ERC2: variants seen among roughly 807,000 people sequenced by gnomAD.
The protein encoded by ERC2 is ELKS/RAB6-interacting/CAST family member 2, also known as ERC protein 2.
A neutral mutation model predicts 114.8 loss-of-function variants in ERC2; 42 were observed. That is an observed-to-expected ratio of 0.37 (90% confidence interval 0.29 to 0.47). ERC2 has a LOEUF of 0.47. Among genes scored for constraint, ERC2 ranks in the 20% least tolerant of loss-of-function variants. The pLI is 0.99. For missense variants in ERC2, 939 were observed against 1,150.7 expected (o/e 0.82, Z 2.66); for synonymous variants, 454 against 425.5 (o/e 1.07, Z -0.82).
chr3:56,402,680 A>C (rs1337524018), intron 2 of ERC2, among the ~76,000 whole-genome samples: 1 of 152,200 alleles, frequency 6.6e-6, no homozygotes, highest in Non-Finnish European at 1.5e-5. Context: ...AGCTAAATAT[A>C]ATCTCATTGT....
chr3:56,062,584 G>A (rs1009533367), intron 7 of ERC2, among the ~76,000 whole-genome samples: 4 of 152,062 alleles, frequency 2.6e-5, no homozygotes, highest in African/African-American at 4.8e-5. Context: ...AACAAGAAGC[G>A]CTCATTTCTT....
intron 2 of ERC2, among the ~76,000 whole-genome samples, chr3:56,347,069 G>A (rs1351635343): frequency 2.6e-5 from 4 of 152,136 alleles, no homozygotes; most frequent in Non-Finnish European, 5.9e-5. Context: ...AACTTGCAGT[G>A]TATTACAAAG....
intron 2 of ERC2, among the ~76,000 whole-genome samples, chr3:56,421,176 A>G (rs2061375847): frequency 6.6e-6 from 1 of 152,254 alleles, no homozygotes; most frequent in Non-Finnish European, 1.5e-5. Flanking sequence ...TATAGACAGA[A>G]GTTAACTAGT....
At position 55,509,425 on chromosome 3, in the gene ERC2, T is replaced by C. The variant is rs756839814; in HGVS notation, c.*1891A>G. On this transcript the variant is annotated 3_prime_UTR_variant, in exon 18 of 18. Coordinates refer to ENST00000288221, the MANE Select transcript of ERC2 (RefSeq NM_015576.3). ...TTTTCAGTGCAACATTGTGTCAAAA[T>C]GTGCTAAATAAGCTTGCAAAGAACT... 8 of 152,634 alleles carry C rather than the reference T, an allele frequency of 5.2e-5. No homozygotes were observed. The highest frequency in any genetic ancestry group is 1.0e-4 in the Non-Finnish European group (7 of 68,044). The allele number at this position is 152,634 out of a possible 1,614,324, so 9.5% of individuals were successfully genotyped here.
intron 14 of ERC2, among the ~76,000 whole-genome samples, chr3:55,821,262 C>A (rs1551590): frequency 6.6e-6 from 1 of 152,080 alleles, no homozygotes; most frequent in Non-Finnish European, 1.5e-5. Flanking sequence ...AAAAGTTATT[C>A]CCCATGTTAA....
At chr3:55,587,739 G>C (rs1046107379) in intron 17 of ERC2, among the ~76,000 whole-genome samples, 11 of 152,188 alleles carry the variant, frequency 7.2e-5, no homozygotes, top group Non-Finnish European at 1.5e-5. Flanking sequence ...TGCCTGCTGA[G>C]CTGGTGATAA....
intron 17 of ERC2, among the ~76,000 whole-genome samples, chr3:55,655,441 CAG>C (rs1189126588): frequency 6.6e-6 from 1 of 152,192 alleles, no homozygotes; most frequent in Admixed American, 6.5e-5. Context: ...GTTGGGCCTG[CAG>C]AGTGTTTAAA....
At chr3:55,666,230 G>T (rs1029983065) in intron 17 of ERC2, among the ~76,000 whole-genome samples, 23 of 152,150 alleles carry the variant, frequency 1.5e-4, no homozygotes, top group Admixed American at 7.2e-4. Context: ...CAATCACTGC[G>T]CAGGAGACCA....
chr3:55,862,174 ATG>A (rs544865371), intron 14 of ERC2, among the ~76,000 whole-genome samples: 3 of 152,016 alleles, frequency 2.0e-5, no homozygotes, highest in Non-Finnish European at 2.9e-5. Flanking sequence ...TATTTTATGT[ATG>A]TGTGTGTGTG....
chr3:55,839,178 C>A (rs1238966678), intron 14 of ERC2, among the ~76,000 whole-genome samples: 2 of 151,702 alleles, frequency 1.3e-5, no homozygotes, highest in Non-Finnish European at 2.9e-5. Context: ...AGTGGAGCAA[C>A]ATTTTTAATA....
chr3:55,863,837 C>T (rs1406938276), intron 14 of ERC2, among the ~76,000 whole-genome samples: 2 of 151,930 alleles, frequency 1.3e-5, no homozygotes, highest in South Asian at 2.1e-4. Context: ...GTTTTTGAAA[C>T]TGTGTGTGTT....
chr3:56,007,187 T>A lies in ERC2; in HGVS notation c.2055A>T (p.Leu685Phe). The stretch of plus-strand genomic sequence containing the variant: ...TTTCTTAGACTTCACTTACCTTTTT[T>A]AACTGTGCTTCCAATTTGCTACATT... ...KEECSKLEAQLKKAHNIEDDS... is the reference protein window; with the variant it reads ...KEECSKLEAQFKKAHNIEDDS... The change falls in exon 10 of 18, where the codon TTA becomes TTT. Residue 685 changes from leucine (L) to phenylalanine (F), a missense_variant. Coordinates refer to ENST00000288221, the MANE Select transcript of ERC2 (RefSeq NM_015576.3). The A allele has an allele frequency of 1.3e-6, 2 of 1,562,614 alleles. No individual in the cohort carries two copies. The highest frequency in any genetic ancestry group is 2.3e-5 in the East Asian group (1 of 43,100).
chr3:56,467,862 C>A (rs1374480694), intron 1 of ERC2, among the ~76,000 whole-genome samples: 1 of 151,916 alleles, frequency 6.6e-6, no homozygotes, highest in Non-Finnish European at 1.5e-5. Flanking sequence ...ACACCCCACC[C>A]CTCGAGGCAA....
intron 4 of ERC2, among the ~76,000 whole-genome samples, chr3:56,166,355 A>G (rs4311188): frequency 1.3e-5 from 2 of 152,116 alleles, no homozygotes; most frequent in East Asian, 3.9e-4. Flanking sequence ...TTTGCTGGGT[A>G]TGAATATCAA....
At chr3:55,739,860 G>A (rs2065873689) in intron 14 of ERC2, among the ~76,000 whole-genome samples, 1 of 152,034 alleles carries the variant, frequency 6.6e-6, no homozygotes, top group Non-Finnish European at 1.5e-5. Flanking sequence ...GTATTGCCTA[G>A]GTTTTCTTCT....
intron 6 of ERC2, among the ~76,000 whole-genome samples, chr3:56,118,391 T>C (rs971617745): frequency 6.6e-6 from 1 of 152,198 alleles, no homozygotes. Context: ...GGTATGATTG[T>C]TAGTAGTGAC....
intron 14 of ERC2, among the ~76,000 whole-genome samples, chr3:55,803,077 C>T (rs1280945391): frequency 6.6e-6 from 1 of 152,120 alleles, no homozygotes; most frequent in African/African-American, 2.4e-5. Flanking sequence ...GGTGGTGATA[C>T]TAAACAAATC....
intron 3 of ERC2, among the ~76,000 whole-genome samples, chr3:56,247,651 G>A (rs761536347): frequency 6.6e-6 from 1 of 152,168 alleles, no homozygotes; most frequent in Non-Finnish European, 1.5e-5. Flanking sequence ...TGGTGGGTGG[G>A]AAGTAACTTC....
At chr3:56,100,177 T>C (rs1162963364) in intron 6 of ERC2, among the ~76,000 whole-genome samples, 1 of 152,348 alleles carries the variant, frequency 6.6e-6, no homozygotes. Context: ...CTGGGGAACA[T>C]ACTATAGAAA....
Sources: gnomAD v4.1 joint callset for allele counts (sites outside exome capture counted in the v4.1 genomes callset) on GRCh38, gnomAD v4.1.1 for gene constraint, MANE v1.5 for transcripts, NCBI Gene and HGNC (gene_info 2026-07-23, HGNC 2026-07-21) for gene names.